The following CASD1 variants were observed in gnomAD, a reference collection of about 807,000 sequenced individuals.
CASD1 encodes the protein CAS1 domain sialic acid O acetyltransferase 1, also known as N-acetylneuraminate (7)9-O-acetyltransferase.
CASD1 carries 41 observed loss-of-function variants against 100.0 expected under a neutral mutation model. The ratio of observed to expected loss-of-function variants is 0.41; its 90% CI spans 0.32 to 0.53. CASD1 has a LOEUF of 0.53. CASD1 is among the 20% of genes least tolerant of loss of function. The pLI is 0.25. For synonymous variants in CASD1, 321 were observed against 315.6 expected, an observed-to-expected ratio of 1.02 and a Z score of -0.18; for missense variants, 774 against 948.7, an observed-to-expected ratio of 0.82 and a Z score of 2.42.
At chr7:94,572,280 G>T in the CASD1 span, among the ~76,000 whole-genome samples, 1 of 152,086 alleles carries the variant, frequency 6.6e-6, no homozygotes, top group African/African-American at 2.4e-5. Flanking sequence ...TCATATTCCA[G>T]CTTTCTTTTG....
chr7:94,605,220 T>C, the CASD1 span, among the ~76,000 whole-genome samples: 1 of 152,072 alleles, frequency 6.6e-6, no homozygotes, highest in African/African-American at 2.4e-5. Context: ...TTAAAACAAC[T>C]ATGACTAATA....
chr7:94,619,185 A>C, the CASD1 span: 1 of 473,542 alleles, frequency 2.1e-6, no homozygotes, highest in East Asian at 3.8e-5. Flanking sequence ...GGCTCATCAG[A>C]GGCTCATCAG....
chr7:94,581,482 T>G, the CASD1 span, among the ~76,000 whole-genome samples: 1 of 152,158 alleles, frequency 6.6e-6, no homozygotes, highest in Admixed American at 6.5e-5. Context: ...ACCCAGGTAT[T>G]AAGCCCAGCA....
chr7:94,616,145 G>C, the CASD1 span, among the ~76,000 whole-genome samples: 1 of 152,160 alleles, frequency 6.6e-6, no homozygotes, highest in Admixed American at 6.5e-5. Flanking sequence ...GAGCTCAGAT[G>C]CTGCAGGTTG....
chr7:94,625,259 A>G, the CASD1 span: 1 of 152,054 alleles, frequency 6.6e-6, no homozygotes, highest in Non-Finnish European at 1.5e-5. Context: ...TCTTGACTAA[A>G]TAGAATATTT....
chr7:94,569,103 A>G, the CASD1 span, among the ~76,000 whole-genome samples: 1 of 152,240 alleles, frequency 6.6e-6, no homozygotes, highest in African/African-American at 2.4e-5. Flanking sequence ...ATGGCAGGAC[A>G]GCACAGATGC....
At chr7:94,618,095 C>T in the CASD1 span, 1 of 152,194 alleles carries the variant, frequency 6.6e-6, no homozygotes. Flanking sequence ...TTCTTGACCT[C>T]CACAAGGTCA....
chr7:94,633,212 T>C, the CASD1 span, among the ~76,000 whole-genome samples: 1 of 151,296 alleles, frequency 6.6e-6, no homozygotes, highest in Non-Finnish European at 1.5e-5. Context: ...AAACTATGGG[T>C]GGTTAAATCC....
intron 1 of CASD1, 48 bp downstream of exon 1, chr7:94,510,265 G>C (rs930072636): frequency 1.5e-6 from 2 of 1,339,026 alleles, no homozygotes; most frequent in Non-Finnish European, 1.9e-6. Context: ...GGGAGGCGGC[G>C]ACGCGGCGGC....
At chr7:94,594,003 C>T in the CASD1 span, among the ~76,000 whole-genome samples, 3 of 152,160 alleles carry the variant, frequency 2.0e-5, no homozygotes, top group African/African-American at 7.2e-5. Flanking sequence ...AGAATGTGTA[C>T]TGTAAAAGCT....
chr7:94,521,236 A>G (rs1166600431), intron 3 of CASD1, among the ~76,000 whole-genome samples: 1 of 152,250 alleles, frequency 6.6e-6, no homozygotes, highest in Non-Finnish European at 1.5e-5. Context: ...TTTTACTACA[A>G]AATAGACTTA....
rs778178163 is a variant in CASD1 at position 94,528,155 on chromosome 7, A to G, written c.397-33A>G. On this transcript the variant is annotated intron_variant, in intron 4 of 17. Coordinates refer to ENST00000297273, the MANE Select transcript of CASD1 (RefSeq NM_022900.5). ...AATGGTGGAATTAAGAGTTTCTTCA[A>G]CTTTTTCTTTACTTCTAACATTTCT... The G allele has an allele frequency of 2.7e-5, 40 of 1,462,048 alleles. No individual in the cohort carries two copies. The South Asian group carries it at 3.7e-4, about 14-fold the overall frequency. 90.6% of individuals were successfully genotyped at this position (1,462,048 alleles called of 1,614,324 possible).
At chr7:94,552,300 C>A in intron 15 of CASD1, 50 bp from the exon 16 acceptor site, 1 of 1,239,558 alleles carries the variant, frequency 8.1e-7, no homozygotes, top group Non-Finnish European at 1.2e-6. Flanking sequence ...GAGGCTTATG[C>A]CTCTTCCAGA....
rs1203833668 is a variant in CASD1 at position 94,537,745 on chromosome 7, A to G, written c.1117A>G (p.Lys373Glu). Residue 373 changes from lysine (K) to glutamate (E), a missense_variant, in exon 9 of 18, where the codon AAA becomes GAA. Physicochemically the swap from Lys to Glu is moderately conservative, Grantham distance 56. Around this residue, in one of 5 missense-constraint regions of CASD1, gnomAD observed 453 missense variants for 532.6 expected, o/e 0.85. Transcript: ENST00000297273. ...SLEILLQSFC[K>E]LGLIMAYFYM... ...AGAAATACTTTTACAATCTTTCTGCAAACTTGGCCTGATTATGGCATATTT... is the reference window on the plus strand; with the variant it reads ...AGAAATACTTTTACAATCTTTCTGCGAACTTGGCCTGATTATGGCATATTT... 6.2e-7 allele frequency: 1 copy of G among 1,613,838 alleles called. No homozygotes were observed. The highest frequency in any genetic ancestry group is 8.5e-7 in the Non-Finnish European group (1 of 1,179,894).
At chr7:94,613,532 C>G in the CASD1 span, among the ~76,000 whole-genome samples, 1 of 152,134 alleles carries the variant, frequency 6.6e-6, no homozygotes, top group African/African-American at 2.4e-5. Context: ...CTGGAGTGCA[C>G]TAGATAGAGT....
chr7:94,584,207 C>A, the CASD1 span, among the ~76,000 whole-genome samples: 3 of 152,238 alleles, frequency 2.0e-5, no homozygotes, highest in Admixed American at 2.0e-4. Flanking sequence ...TTACTTTATT[C>A]CTGCTCACTT....
chr7:94,560,858 A>AAATGTAGG (rs1796327990), downstream of CASD1, among the ~76,000 whole-genome samples: 1 of 152,172 alleles, frequency 6.6e-6, no homozygotes, highest in Non-Finnish European at 1.5e-5. Flanking sequence ...AAACAGTAGA[A>AAATGTAGG]AATGTAGGTG....
chr7:94,587,504 T>C, the CASD1 span: 1 of 1,296,046 alleles, frequency 7.7e-7, no homozygotes, highest in East Asian at 3.2e-5. Flanking sequence ...AAGTATTCTT[T>C]TAGAAATTTT....
At chr7:94,561,929 AAC>A (rs1796345660), downstream of CASD1, among the ~76,000 whole-genome samples, 3 of 152,192 alleles carry the variant, frequency 2.0e-5, no homozygotes, top group Admixed American at 2.0e-4. Context: ...CCTGGACAGT[AAC>A]TTCCTGACTT....
Sources: allele counts gnomAD v4.1 joint callset (sites outside exome capture counted in the v4.1 genomes callset), GRCh38; gene constraint gnomAD v4.1.1; regional missense constraint gnomAD v4.1.1; transcripts MANE v1.5; gene names NCBI Gene and HGNC (gene_info 2026-07-23, HGNC 2026-07-21).